CDYL: variants seen among roughly 807,000 people sequenced by gnomAD.
CDYL encodes chromodomain Y-like protein.
CDYL carries 8 observed loss-of-function variants against 47.3 expected under a neutral mutation model. The ratio of observed to expected loss-of-function variants is 0.17; its 90% CI spans 0.10 to 0.31. The LOEUF is 0.31. Ranked by LOEUF, CDYL falls within the 10% of genes least tolerant of loss-of-function variation. The pLI, the probability that CDYL is intolerant of heterozygous loss-of-function variation, is 1.00. For synonymous variants in CDYL, 266 were observed against 265.0 expected, an observed-to-expected ratio of 1.00 and a Z score of -0.04; for missense variants, 471 against 701.4, an observed-to-expected ratio of 0.67 and a Z score of 3.71.
At chr6:4,769,965 TTGTGTG>T (rs58041362) in intron 3 of CDYL, among the ~76,000 whole-genome samples, 4,390 of 137,866 alleles carry the variant, frequency 0.032, 151 homozygotes, top group African/African-American at 0.083. Context: ...CCCGGCTAAT[TTGTGTG>T]TGTGTGTGTG....
chr6:4,923,121 T>C (rs898552849), intron 2 of CDYL, among the ~76,000 whole-genome samples: 1 of 152,188 alleles, frequency 6.6e-6, no homozygotes, highest in Non-Finnish European at 1.5e-5. Context: ...TACAATAAAT[T>C]ATTGCTAATT....
intron 1 of CDYL, among the ~76,000 whole-genome samples, chr6:4,831,559 C>T (rs1249002707): frequency 7.9e-5 from 12 of 152,126 alleles, no homozygotes; most frequent in Middle Eastern, 6.8e-3. Flanking sequence ...CTTGGCGATG[C>T]GGGCTCTTTT....
intron 2 of CDYL, among the ~76,000 whole-genome samples, chr6:4,729,352 C>A (rs1342358052): frequency 2.0e-5 from 3 of 152,146 alleles, no homozygotes; most frequent in African/African-American, 4.8e-5. Context: ...CGTGCATATA[C>A]ACACACCAGA....
At chr6:4,800,388 T>C (rs1759189276) in intron 1 of CDYL, among the ~76,000 whole-genome samples, 1 of 152,240 alleles carries the variant, frequency 6.6e-6, no homozygotes, top group African/African-American at 2.4e-5. Context: ...CCACTACTTA[T>C]CCTTAGTATT....
chr6:4,780,239 C>CTT (rs1395703523), intron 1 of CDYL, among the ~76,000 whole-genome samples: 12 of 145,560 alleles, frequency 8.2e-5, no homozygotes, highest in South Asian at 4.4e-4. Flanking sequence ...CTTTCTTTCT[C>CTT]TTTTTTTTTT....
chr6:4,718,148 T>C (rs1757304545), intron 2 of CDYL, among the ~76,000 whole-genome samples: 1 of 152,030 alleles, frequency 6.6e-6, no homozygotes, highest in African/African-American at 2.4e-5. Flanking sequence ...CAGACATTCT[T>C]TTTGAATATA....
chr6:4,937,630 C>A lies in CDYL; in HGVS notation c.1014C>A (p.Leu338=). 6.2e-7 allele frequency: 1 copy of A among 1,613,938 alleles called. No homozygotes were observed. Among genetic ancestry groups the A allele is most frequent in the Non-Finnish European group, 8.5e-7 (1 of 1,179,876 alleles). Reference sequence around the variant, plus strand: ...CCGATGACAGCAAGCTGGTACTGCTCAGCGCCGTTGGCAGCGTCTTCTGTT... The same window carrying A: ...CCGATGACAGCAAGCTGGTACTGCTAAGCGCCGTTGGCAGCGTCTTCTGTT... The part of the protein sequence containing the change: ...AAADDSKLVL[L]SAVGSVFCCG... Residue 338 remains leucine, a synonymous_variant, in exon 4 of 7, where the codon CTC becomes CTA. Transcript: ENST00000397588.
chr6:4,717,742 T>TAAAAAAAAAAAAAAAAAAAAAAAAA (rs1434471633), intron 2 of CDYL, among the ~76,000 whole-genome samples: 1 of 115,982 alleles, frequency 8.6e-6, no homozygotes. Context: ...AAAAAAAAAT[T>TAAAAAAAAAAAAAAAAAAAAAAAAA]AAAAATTGAA....
intron 3 of CDYL, among the ~76,000 whole-genome samples, chr6:4,755,171 T>C (rs1758056078): frequency 1.3e-5 from 2 of 152,104 alleles, no homozygotes; most frequent in South Asian, 4.1e-4. Flanking sequence ...GCTATTCTTC[T>C]GCCTCAGCCT....
At chr6:4,912,496 G>T (rs1757443179) in intron 2 of CDYL, among the ~76,000 whole-genome samples, 1 of 152,278 alleles carries the variant, frequency 6.6e-6, no homozygotes, top group South Asian at 2.1e-4. Flanking sequence ...AACGCCGTAG[G>T]GCTTTGTAGC....
intron 1 of CDYL, among the ~76,000 whole-genome samples, chr6:4,821,838 T>C (rs1168772177): frequency 6.6e-6 from 1 of 152,278 alleles, no homozygotes; most frequent in African/African-American, 2.4e-5. Context: ...GATTAAAATA[T>C]GCACCTACAT....
At chr6:4,719,392 C>A (rs138061648) in intron 2 of CDYL, among the ~76,000 whole-genome samples, 1 of 152,074 alleles carries the variant, frequency 6.6e-6, no homozygotes, top group Non-Finnish European at 1.5e-5. Flanking sequence ...TTTAACATCA[C>A]GTCATCTAAA....
intron 1 of CDYL, among the ~76,000 whole-genome samples, chr6:4,793,050 C>A (rs1758968932): frequency 6.6e-6 from 1 of 152,182 alleles, no homozygotes; most frequent in Non-Finnish European, 1.5e-5. Flanking sequence ...GCTTGACTAG[C>A]ATGGCTTTAT....
chr6:4,762,602 AACTC>A (rs1758191522), intron 3 of CDYL, among the ~76,000 whole-genome samples: 2 of 151,042 alleles, frequency 1.3e-5, no homozygotes, highest in South Asian at 4.2e-4. Context: ...CAACAACAAA[AACTC>A]AATAACAAAT....
chr6:4,840,603 G>A (rs1018261225), intron 1 of CDYL, among the ~76,000 whole-genome samples: 30 of 152,068 alleles, frequency 2.0e-4, no homozygotes, highest in African/African-American at 7.0e-4. Context: ...GGTTTTAATC[G>A]TAAAGGGGTG....
intron 1 of CDYL, among the ~76,000 whole-genome samples, chr6:4,841,436 G>A (rs979082115): frequency 6.6e-6 from 1 of 152,002 alleles, no homozygotes; most frequent in African/African-American, 2.4e-5. Flanking sequence ...TGCTGGGTTT[G>A]GGTTTGGTTT....
At chr6:4,799,219 A>G (rs1759156974) in intron 1 of CDYL, among the ~76,000 whole-genome samples, 1 of 152,276 alleles carries the variant, frequency 6.6e-6, no homozygotes, top group East Asian at 1.9e-4. Context: ...AGGTTTTTCT[A>G]AATGTTTTAT....
intron 1 of CDYL, among the ~76,000 whole-genome samples, chr6:4,786,140 C>T (rs1159327275): frequency 1.3e-5 from 2 of 152,186 alleles, no homozygotes; most frequent in Admixed American, 6.5e-5. Context: ...AGCAGGAATT[C>T]TCCTAAGGAG....
chr6:4,724,165 G>C (rs11242976), intron 2 of CDYL, among the ~76,000 whole-genome samples: 69,048 of 151,820 alleles, frequency 0.45, 16,568 homozygotes, highest in African/African-American at 0.62. Flanking sequence ...CTCAGCTTCC[G>C]AAGTAGCTGG....
Sources: allele counts gnomAD v4.1 joint callset (sites outside exome capture counted in the v4.1 genomes callset), GRCh38; gene constraint gnomAD v4.1.1; transcripts MANE v1.5; gene names NCBI Gene and HGNC (gene_info 2026-07-23, HGNC 2026-07-21).